LAMA3: variants seen among roughly 807,000 people sequenced by gnomAD.
LAMA3 encodes the protein laminin subunit alpha-3.
In LAMA3, 281 loss-of-function variants were observed where a neutral mutation model predicts 402.0. The observed-to-expected ratio is 0.70, with a 90% CI of 0.63 to 0.77. The LOEUF (loss-of-function observed/expected upper bound fraction) is 0.77. Among genes scored for constraint, LAMA3 ranks in the 30% least tolerant of loss-of-function variants. The pLI, the probability that LAMA3 is intolerant of heterozygous loss-of-function variation, is 0.00. For synonymous variants in LAMA3, 1,431 were observed against 1,558.4 expected (o/e 0.92, Z 1.93); for missense variants, 3,840 against 4,215.5 (o/e 0.91, Z 2.47).
At chr18:23,854,081 C>T (rs899353997) in intron 32 of LAMA3, among the ~76,000 whole-genome samples, 1 of 152,256 alleles carries the variant, frequency 6.6e-6, no homozygotes, top group Non-Finnish European at 1.5e-5. Flanking sequence ...GCTCTCCTCC[C>T]TCTGCTCTGT....
chr18:23,896,878 A>G (rs2080893173), intron 44 of LAMA3, among the ~76,000 whole-genome samples: 1 of 152,192 alleles, frequency 6.6e-6, no homozygotes, highest in African/African-American at 2.4e-5. Flanking sequence ...AGAGCACTAG[A>G]CAGGGCCCAG....
chr18:23,884,306 G>A (rs1222054100), intron 40 of LAMA3, among the ~76,000 whole-genome samples: 1 of 152,166 alleles, frequency 6.6e-6, no homozygotes, highest in East Asian at 1.9e-4. Context: ...GGGGGCTCCA[G>A]GGCCTGGCCT....
intron 67 of LAMA3, among the ~76,000 whole-genome samples, chr18:23,937,669 A>G (rs572742244): frequency 2.6e-5 from 4 of 152,026 alleles, no homozygotes; most frequent in Non-Finnish European, 5.9e-5. Context: ...CACGGAGAAG[A>G]CTCCAGAGAG....
At chr18:23,732,873 A>C (rs2146014135) in intron 2 of LAMA3, among the ~76,000 whole-genome samples, 1 of 152,270 alleles carries the variant, frequency 6.6e-6, no homozygotes, top group Middle Eastern at 3.4e-3. Context: ...TACCTGGCAC[A>C]AACTAAATCC....
rs772772242 is a variant in LAMA3, at chr18:23,876,375, A to G, written c.5080A>G (p.Asn1694Asp). The G allele has an allele frequency of 1.9e-6, 3 of 1,613,702 alleles. No homozygotes were observed. Among genetic ancestry groups the G allele is most frequent in the South Asian group, 2.2e-5 (2 of 91,076 alleles). ...CVPCNCNGHSNQCQDGSGICV... is the reference protein window; with the variant it reads ...CVPCNCNGHSDQCQDGSGICV... ...TCCCTGCAATTGCAACGGACATTCA[A>G]ATCAATGCCAGGATGGCTCAGGCAT... Residue 1694 changes from asparagine (N) to aspartate (D), a missense_variant, in exon 39 of 75, where the codon AAT (asparagine) becomes GAT (aspartate). Around this residue, in one of 3 missense-constraint regions of LAMA3, gnomAD observed 2,109 missense variants for 2,376.0 expected, o/e 0.89. Transcript: ENST00000313654.
At chr18:23,798,141 C>G (rs2062802260) in intron 12 of LAMA3, among the ~76,000 whole-genome samples, 1 of 152,150 alleles carries the variant, frequency 6.6e-6, no homozygotes, top group Non-Finnish European at 1.5e-5. Flanking sequence ...TCCTCTTCCT[C>G]TTTTCCTCCT....
intron 39 of LAMA3, among the ~76,000 whole-genome samples, chr18:23,881,299 T>A (rs574104639): frequency 6.6e-6 from 1 of 152,358 alleles, no homozygotes; most frequent in East Asian, 1.9e-4. Flanking sequence ...TTTGGGACAC[T>A]GGAATTCAGT....
intron 12 of LAMA3, among the ~76,000 whole-genome samples, chr18:23,809,668 C>T (rs1196205363): frequency 3.3e-5 from 5 of 152,168 alleles, no homozygotes; most frequent in Non-Finnish European, 7.3e-5. Context: ...TCCATCCACA[C>T]GTGTTTATTC....
At chr18:23,932,670 A>G (rs553475504) in intron 66 of LAMA3, 26 of 221,896 alleles carry the variant, frequency 1.2e-4, no homozygotes, top group African/African-American at 5.7e-4. Context: ...GTGCTGTGCT[A>G]GGAAACCAAA....
At chr18:23,735,247 G>T (rs1467746347) in intron 2 of LAMA3, among the ~76,000 whole-genome samples, 2 of 152,206 alleles carry the variant, frequency 1.3e-5, no homozygotes, top group Admixed American at 1.3e-4. Flanking sequence ...AGGACAAGGG[G>T]CTATCAACAT....
chr18:23,749,639 G>A, intron 4 of LAMA3, 93 bp downstream of exon 4: 2 of 823,018 alleles, frequency 2.4e-6, no homozygotes, highest in Admixed American at 1.7e-5. Context: ...CACTTTCAAG[G>A]ACATCTAACA....
chr18:23,879,222 G>A lies in LAMA3; in HGVS notation c.5113-2714G>A, dbSNP rs1410126067. Among the ~76,000 whole-genome samples, 1 of 152,178 alleles carries A rather than the reference G, an allele frequency of 6.6e-6. No homozygotes were observed. The highest frequency in any genetic ancestry group is 1.5e-5 in the Non-Finnish European group (1 of 68,038). On this transcript the variant is annotated intron_variant, in intron 39 of 74. Coordinates refer to ENST00000313654, the MANE Select transcript of LAMA3 (RefSeq NM_198129.4). The surrounding 1 kb of genome is among the most constrained non-coding windows in gnomAD (Gnocchi z 4.2). ...GACGGAAGGAAGCCCACGACCCTTA[G>A]CACAGTACTGGGGGCTCTTTCTAGC...
chr18:23,951,320 T>C (rs1003410412), intron 72 of LAMA3, among the ~76,000 whole-genome samples: 2 of 152,326 alleles, frequency 1.3e-5, no homozygotes, highest in African/African-American at 4.8e-5. Context: ...GCCTTCCACA[T>C]CTCACATATC....
chr18:23,740,547 C>T lies in LAMA3; in HGVS notation c.448-7396C>T, dbSNP rs2337189. On this transcript the variant is annotated intron_variant, in intron 2 of 74. Coordinates refer to ENST00000313654, the MANE Select transcript of LAMA3 (RefSeq NM_198129.4). ...TTCTTTTATATTAGAAAGTGAGACA[C>T]TCTCTCTTCTCCTTTCCAGTTTCCA... is the stretch of plus-strand genomic sequence containing the variant. 2.5e-3 allele frequency among the ~76,000 whole-genome samples: 383 copies of T among 152,198 alleles called. 2 individuals are homozygous for T. Among genetic ancestry groups the T allele is most frequent in the African/African-American group, 8.9e-3 (371 of 41,522 alleles).
In LAMA3 at chr18:23,839,180, T is replaced by C. The variant is rs1212950671; in HGVS notation, c.3191+302T>C. On this transcript the variant is annotated intron_variant, in intron 26 of 74. Transcript: ENST00000313654. The surrounding 1 kb of genome is among the most constrained non-coding windows in gnomAD (Gnocchi z 4.5). The stretch of plus-strand genomic sequence containing the variant: ...AAAAGACTCGTTTTGTTCCAATCTT[T>C]TAATCTTTCTGTCTGAGACTCTTCA... 1.3e-5 allele frequency among the ~76,000 whole-genome samples: 2 copies of C among 152,226 alleles called. No individual in the cohort carries two copies. Among genetic ancestry groups the C allele is most frequent in the Non-Finnish European group, 2.9e-5 (2 of 68,026 alleles).
In LAMA3 at chr18:23,895,628, G is replaced by A. The variant is rs527594197; in HGVS notation, c.5613+570G>A. ...TTCCCTTATTATCCTTTGTACATCT[G>A]CAAAGTCTATAAAGATGCCTTCTTA... On this transcript the variant is annotated intron_variant, in intron 44 of 74. Transcript: ENST00000313654. Among the ~76,000 whole-genome samples the A allele has an allele frequency of 2.6e-5, 4 of 152,202 alleles. No homozygotes were observed. The South Asian group carries it at 8.3e-4, about 32-fold the overall frequency.
At chr18:23,915,683 C>G (rs535866186) in intron 59 of LAMA3, among the ~76,000 whole-genome samples, 1 of 151,980 alleles carries the variant, frequency 6.6e-6, no homozygotes, top group Non-Finnish European at 1.5e-5. Context: ...TTTGTGCCTC[C>G]TACCACAAAA....
chr18:23,727,677 A>G (rs768697334), intron 2 of LAMA3, among the ~76,000 whole-genome samples: 27 of 152,076 alleles, frequency 1.8e-4, no homozygotes, highest in Non-Finnish European at 3.1e-4. Flanking sequence ...GCACTGGTCC[A>G]TGGACCACAC....
intron 2 of LAMA3, among the ~76,000 whole-genome samples, chr18:23,721,267 A>G (rs1343150958): frequency 1.3e-5 from 2 of 152,190 alleles, no homozygotes; most frequent in East Asian, 1.9e-4. Context: ...GCTAAATACA[A>G]TGAAGGTATA....
Sources: allele counts gnomAD v4.1 joint callset (sites outside exome capture counted in the v4.1 genomes callset), GRCh38; gene constraint gnomAD v4.1.1; regional missense constraint gnomAD v4.1.1; non-coding constraint Gnocchi (gnomAD v3.1); transcripts MANE v1.5; gene names NCBI Gene and HGNC (gene_info 2026-07-23, HGNC 2026-07-21).